TTLL5: variants seen among roughly 807,000 people sequenced by gnomAD.
TTLL5 encodes tubulin polyglutamylase TTLL5.
A neutral mutation model predicts 168.4 loss-of-function variants in TTLL5; 132 were observed. That is an observed-to-expected ratio of 0.78 (90% CI 0.68 to 0.91). The LOEUF (loss-of-function observed/expected upper bound fraction) is 0.91. Among genes scored for constraint, TTLL5 ranks in the 40% least tolerant of loss-of-function variants. The pLI is 0.00. For missense variants in TTLL5, 1,545 were observed against 1,581.5 expected (o/e 0.98, Z 0.39); for synonymous variants, 546 against 558.6 (o/e 0.98, Z 0.32).
chr14:75,776,860 A>G lies in TTLL5; in HGVS notation c.2387+10A>G. ...TCATCAGACAAGCAAGGTAGTAGAC[A>G]TTCTTGATTGATAAAAGCTGTCTTA... On this transcript the variant is annotated intron_variant, in intron 23 of 31. Transcript: ENST00000298832. The G allele has an allele frequency of 6.3e-7, 1 of 1,598,580 alleles. No homozygotes were observed. The highest frequency in any genetic ancestry group is 8.6e-7 in the Non-Finnish European group (1 of 1,167,482).
At chr14:75,914,033 A>ATATATATAT (rs1555356334) in intron 31 of TTLL5, among the ~76,000 whole-genome samples, 1 of 71,118 alleles carries the variant, frequency 1.4e-5, no homozygotes, top group African/African-American at 1.6e-4. Flanking sequence ...AAAAAAAAAA[A>ATATATATAT]ATATATATAT....
chr14:75,935,103 C>T (rs1227407791), intron 31 of TTLL5, among the ~76,000 whole-genome samples: 2 of 152,242 alleles, frequency 1.3e-5, no homozygotes, highest in African/African-American at 2.4e-5. Flanking sequence ...AGTGAGCTGA[C>T]ATCTGATTCC....
intron 10 of TTLL5, among the ~76,000 whole-genome samples, chr14:75,718,449 A>G (rs892992260): frequency 6.6e-6 from 1 of 152,206 alleles, no homozygotes; most frequent in East Asian, 1.9e-4. Context: ...GCAGGTTATC[A>G]GATAGCACAT....
rs79498533 is a variant in TTLL5 at position 75,831,633 on chromosome 14, C to T, written c.3326+11472C>T. Among the ~76,000 whole-genome samples the T allele has an allele frequency of 9.5e-3, 1,444 of 152,216 alleles. 27 individuals carry two copies. Among genetic ancestry groups the T allele is most frequent in the African/African-American group, 0.033 (1,372 of 41,534 alleles). On this transcript the variant is annotated intron_variant, in intron 28 of 31. Transcript: ENST00000298832. ...TACGTGTACTAGCTCCCAGGGAAGC[C>T]GTGGCTAGCAGGGGGAGTGGGTGGG...
chr14:75,707,136 A>G (rs138436462), intron 8 of TTLL5, 49 bp downstream of exon 8: 2 of 1,458,932 alleles, frequency 1.4e-6, no homozygotes, highest in South Asian at 2.3e-5. Flanking sequence ...TTTTTGCTCA[A>G]CTTTTTAAGC....
intron 20 of TTLL5, among the ~76,000 whole-genome samples, chr14:75,767,851 T>C (rs1349432045): frequency 6.6e-6 from 1 of 152,152 alleles, no homozygotes; most frequent in Non-Finnish European, 1.5e-5. Flanking sequence ...GTAATGGCTT[T>C]AGGAGTGGAG....
At chr14:75,704,467 A>C (rs939467561) in intron 7 of TTLL5, among the ~76,000 whole-genome samples, 1 of 152,172 alleles carries the variant, frequency 6.6e-6, no homozygotes, top group Non-Finnish European at 1.5e-5. Context: ...TGAACCTAGG[A>C]AGTGGAGGTT....
chr14:75,737,486 A>T, intron 15 of TTLL5: 1 of 1,404,300 alleles, frequency 7.1e-7, no homozygotes. Context: ...TTCCTTTTTT[A>T]TATCATAGAT....
chr14:75,801,957 C>T (rs543676310), intron 27 of TTLL5, among the ~76,000 whole-genome samples: 2 of 152,276 alleles, frequency 1.3e-5, no homozygotes, highest in South Asian at 2.1e-4. Context: ...AAAACTTAAA[C>T]TTAGCTATTA....
intron 27 of TTLL5, among the ~76,000 whole-genome samples, chr14:75,806,616 A>G (rs1252779949): frequency 6.6e-6 from 1 of 152,226 alleles, no homozygotes; most frequent in East Asian, 1.9e-4. Context: ...GTCCAGGCTC[A>G]GTGTAGATGC....
chr14:75,737,435 T>C (rs1473738946), intron 15 of TTLL5: 2 of 799,444 alleles, frequency 2.5e-6, no homozygotes, highest in South Asian at 1.9e-5. Context: ...AACCACAAAG[T>C]GTAGGGCTCT....
At chr14:75,766,580 C>T (rs1213320090) in intron 20 of TTLL5, among the ~76,000 whole-genome samples, 3 of 152,024 alleles carry the variant, frequency 2.0e-5, no homozygotes, top group African/African-American at 7.2e-5. Flanking sequence ...ATGATACAAA[C>T]CCGGGTCTCA....
intron 3 of TTLL5, 32 bp downstream of exon 3, chr14:75,669,554 C>G (rs888410503): frequency 6.3e-6 from 10 of 1,592,010 alleles, no homozygotes; most frequent in Non-Finnish European, 8.6e-6. Context: ...GAGGACGGAG[C>G]TGGGCATGGC....
At chr14:75,882,146 G>C (rs187223851) in intron 29 of TTLL5, among the ~76,000 whole-genome samples, 10 of 152,260 alleles carry the variant, frequency 6.6e-5, no homozygotes, top group Admixed American at 1.3e-4. Flanking sequence ...AACCAGGCCT[G>C]GCTCATGGTT....
chr14:75,784,224 C>A (rs923729001), intron 26 of TTLL5, among the ~76,000 whole-genome samples: 1 of 152,174 alleles, frequency 6.6e-6, no homozygotes, highest in Non-Finnish European at 1.5e-5. Flanking sequence ...AACCACTGAT[C>A]TACTTCTCTG....
intron 12 of TTLL5, among the ~76,000 whole-genome samples, chr14:75,731,011 C>G (rs1014504974): frequency 1.3e-5 from 2 of 152,312 alleles, no homozygotes; most frequent in East Asian, 3.9e-4. Context: ...AGCCACCATA[C>G]CCGGCCTCAT....
chr14:75,833,652 A>G (rs1241106888), intron 28 of TTLL5, among the ~76,000 whole-genome samples: 3 of 152,226 alleles, frequency 2.0e-5, no homozygotes, highest in Admixed American at 6.5e-5. Context: ...AAGCACTTTT[A>G]CTATATATAA....
chr14:75,772,456 G>T (rs771590195), intron 21 of TTLL5, among the ~76,000 whole-genome samples: 1 of 152,054 alleles, frequency 6.6e-6, no homozygotes, highest in East Asian at 1.9e-4. Flanking sequence ...CCTCCAAGTT[G>T]GTATTTTTTA....
chr14:75,898,140 AT>A (rs1176426460), intron 30 of TTLL5, among the ~76,000 whole-genome samples: 1 of 152,242 alleles, frequency 6.6e-6, no homozygotes, highest in East Asian at 1.9e-4. Context: ...ACATCAGATA[AT>A]GGAACTGTAT....
Sources: gnomAD v4.1 joint callset for allele counts (sites outside exome capture counted in the v4.1 genomes callset) on GRCh38, gnomAD v4.1.1 for gene constraint, MANE v1.5 for transcripts, NCBI Gene and HGNC (gene_info 2026-07-23, HGNC 2026-07-21) for gene names.